Variants in ENTPD1 observed in about 807,000 individuals in gnomAD.
ENTPD1 encodes the protein ectonucleoside triphosphate diphosphohydrolase 1, also known as ATP diphosphohydrolase.
A neutral mutation model predicts 57.0 loss-of-function variants in ENTPD1; 33 were observed. The ratio of observed to expected loss-of-function variants is 0.58; its 90% CI spans 0.44 to 0.77. The LOEUF is 0.77. Among genes scored for constraint, ENTPD1 ranks in the 30% least tolerant of loss-of-function variants. ENTPD1 has a pLI of 0.00. For synonymous variants in ENTPD1, 202 were observed against 218.8 expected (o/e 0.92, Z 0.68); for missense variants, 501 against 603.4 (o/e 0.83, Z 1.78).
chr10:95,871,962 T>C lies in ENTPD1; in HGVS notation c.*5579T>C. 1.0e-6 allele frequency: 1 copy of C among 985,452 alleles called. No homozygotes were observed. Among genetic ancestry groups the C allele is most frequent in the South Asian group, 4.7e-5 (1 of 21,288 alleles). 61.0% of individuals were successfully genotyped at this position (985,452 alleles called of 1,614,324 possible). A position where few individuals can be genotyped will look rare whatever the true frequency, so the allele number is the denominator to read the frequency against. The stretch of plus-strand genomic sequence containing the variant: ...ATTTGCAATTACCTAAACTGAACTC[T>C]ACCATTACTCCTAACCCAGTTCCTC... On this transcript the variant is annotated 3_prime_UTR_variant, in exon 10 of 10. Transcript: ENST00000371205.
In ENTPD1 at chr10:95,714,296, A is replaced by G. The variant is rs1415472246; in HGVS notation, c.37+2303A>G. Among the ~76,000 whole-genome samples, 12 of 152,354 alleles carry G rather than the reference A, an allele frequency of 7.9e-5. No individual in the cohort carries two copies. The East Asian group carries it at 2.3e-3, about 29-fold the overall frequency. ...CCACTACTACTGCAGCTTGGGCAAT[A>G]GAATGAGACCCTGTCTCGAAAAAGG... On this transcript the variant is annotated intron_variant, in intron 1 of 9. Transcript: ENST00000453258.
upstream of ENTPD1, among the ~76,000 whole-genome samples, chr10:95,709,434 A>G (rs933808029): frequency 2.6e-5 from 4 of 151,446 alleles, no homozygotes; most frequent in African/African-American, 9.7e-5. Context: ...CCCAGTCTAG[A>G]GTGCAATGGC....
chr10:95,829,228 G>C (rs1356135461), intron 2 of ENTPD1, among the ~76,000 whole-genome samples: 1 of 152,240 alleles, frequency 6.6e-6, no homozygotes, highest in African/African-American at 2.4e-5. Context: ...AGAAGGGAAA[G>C]AGAGAGTTAG....
chr10:95,752,516 G>A (rs1303947986), upstream of ENTPD1, among the ~76,000 whole-genome samples: 3 of 152,118 alleles, frequency 2.0e-5, no homozygotes, highest in Non-Finnish European at 4.4e-5. Context: ...AATTAGCTGG[G>A]TGTGGTGGTG....
At chr10:95,744,612 C>T (rs2139885302) in intron 1 of ENTPD1, among the ~76,000 whole-genome samples, 1 of 125,136 alleles carries the variant, frequency 8.0e-6, no homozygotes, top group Non-Finnish European at 1.7e-5. Context: ...CAGAGTAAGA[C>T]TCTGTCTCAA....
intron 1 of ENTPD1, among the ~76,000 whole-genome samples, chr10:95,801,456 A>C (rs2098249182): frequency 6.6e-6 from 1 of 152,150 alleles, no homozygotes; most frequent in African/African-American, 2.4e-5. Context: ...TGAATAGGGA[A>C]TCCTTTCCCC....
intron 1 of ENTPD1, among the ~76,000 whole-genome samples, chr10:95,737,748 A>G (rs1247871194): frequency 6.6e-6 from 1 of 152,204 alleles, no homozygotes; most frequent in Non-Finnish European, 1.5e-5. Flanking sequence ...TTCATTCTAA[A>G]GAATTTTGTT....
intron 1 of ENTPD1, among the ~76,000 whole-genome samples, chr10:95,777,034 C>T (rs1452393767): frequency 3.3e-5 from 5 of 152,170 alleles, no homozygotes; most frequent in Middle Eastern, 3.2e-3. Context: ...TTTATCTAAT[C>T]GTTTTTCAAG....
intron 1 of ENTPD1, among the ~76,000 whole-genome samples, chr10:95,821,882 G>A (rs1275626209): frequency 6.6e-6 from 1 of 152,096 alleles, no homozygotes; most frequent in Non-Finnish European, 1.5e-5. Context: ...ATAGTTTGGG[G>A]AGTTGAGAGA....
intron 1 of ENTPD1, among the ~76,000 whole-genome samples, chr10:95,797,717 G>A (rs979213111): frequency 1.3e-5 from 2 of 152,160 alleles, no homozygotes; most frequent in African/African-American, 4.8e-5. Flanking sequence ...TGAACTAACA[G>A]AACGAGAACT....
At chr10:95,783,985 G>A (rs2098167805) in intron 1 of ENTPD1, among the ~76,000 whole-genome samples, 1 of 151,836 alleles carries the variant, frequency 6.6e-6, no homozygotes, top group African/African-American at 2.4e-5. Flanking sequence ...GAAAATCTAT[G>A]CAAAAATATA....
intron 1 of ENTPD1, among the ~76,000 whole-genome samples, chr10:95,714,871 T>C (rs1477503250): frequency 6.6e-6 from 1 of 152,204 alleles, no homozygotes; most frequent in African/African-American, 2.4e-5. Context: ...CAAAATAGTA[T>C]TTTCAGGTCT....
upstream of ENTPD1, chr10:95,753,181 AC>A (rs1265002404): frequency 1.3e-5 from 2 of 151,682 alleles, no homozygotes; most frequent in Non-Finnish European, 2.9e-5. Flanking sequence ...ACAAAAAAAA[AC>A]AATAAAATTG....
At chr10:95,833,414 C>G (rs144243471) in intron 2 of ENTPD1, 20 of 152,328 alleles carry the variant, frequency 1.3e-4, no homozygotes, top group African/African-American at 4.1e-4. Flanking sequence ...CTACTAGCAT[C>G]TCTGTAGCTA....
At chr10:95,819,960 A>G (rs1162011254) in intron 1 of ENTPD1, among the ~76,000 whole-genome samples, 2 of 152,228 alleles carry the variant, frequency 1.3e-5, no homozygotes, top group Non-Finnish European at 2.9e-5. Flanking sequence ...AAGACAATCA[A>G]TGTGAATTTT....
intron 4 of ENTPD1, among the ~76,000 whole-genome samples, chr10:95,844,022 A>G (rs2098428139): frequency 6.6e-6 from 1 of 152,178 alleles, no homozygotes; most frequent in Admixed American, 6.6e-5. Flanking sequence ...GTCATTTGCC[A>G]CCTGGTTTCT....
At chr10:95,853,976 T>G (rs770816979) in intron 7 of ENTPD1, among the ~76,000 whole-genome samples, 16 of 152,216 alleles carry the variant, frequency 1.1e-4, no homozygotes, top group Non-Finnish European at 2.1e-4. Flanking sequence ...TCCCTCTTTT[T>G]CTATTGATTG....
chr10:95,756,508 G>T (rs1476557724), intron 1 of ENTPD1: 2 of 492,910 alleles, frequency 4.1e-6, no homozygotes, highest in Non-Finnish European at 7.1e-6. Flanking sequence ...TTATCAATTT[G>T]TATTCAGAGT....
chr10:95,738,696 AG>A (rs1330638808), intron 1 of ENTPD1, among the ~76,000 whole-genome samples: 1 of 152,206 alleles, frequency 6.6e-6, no homozygotes, highest in African/African-American at 2.4e-5. Flanking sequence ...GCTTGCCAGA[AG>A]GGTAAGATGA....
Sources: allele counts gnomAD v4.1 joint callset (sites outside exome capture counted in the v4.1 genomes callset), GRCh38; gene constraint gnomAD v4.1.1; transcripts MANE v1.5; gene names NCBI Gene and HGNC (gene_info 2026-07-23, HGNC 2026-07-21).